The following ZNF469 variants were observed in gnomAD, a reference collection of about 807,000 sequenced individuals.
ZNF469 encodes the protein zinc finger protein 469.
ZNF469 carries 1 observed loss-of-function variant against 1.0 expected under a neutral mutation model. The ratio of observed to expected loss-of-function variants is 1.00; its 90% CI spans 0.35 to 4.73. The LOEUF (loss-of-function observed/expected upper bound fraction) is 4.73, where lower values mean the gene tolerates loss of function less well. Ranked by LOEUF, ZNF469 falls within the 30% of genes most tolerant of loss-of-function variation. ZNF469 has a pLI of 0.16. For synonymous variants in ZNF469, 2,703 were observed against 2,363.4 expected, an observed-to-expected ratio of 1.14 and a Z score of -4.17; for missense variants, 6,100 against 5,356.3, an observed-to-expected ratio of 1.14 and a Z score of -4.33.
At chr16:88,317,037 T>G in the ZNF469 span, among the ~76,000 whole-genome samples, 1 of 152,210 alleles carries the variant, frequency 6.6e-6, no homozygotes, top group East Asian at 1.9e-4. Flanking sequence ...ACCCAGATAA[T>G]AAACTGTAGA....
chr16:88,401,062 C>T (rs1445548703), intron 1 of ZNF469, among the ~76,000 whole-genome samples: 2 of 152,240 alleles, frequency 1.3e-5, no homozygotes, highest in South Asian at 2.1e-4. Flanking sequence ...CCCTCCCTGA[C>T]CCTGGCTCAT....
At chr16:88,241,094 C>T in the ZNF469 span, among the ~76,000 whole-genome samples, 2 of 152,172 alleles carry the variant, frequency 1.3e-5, no homozygotes, top group Non-Finnish European at 2.9e-5. The surrounding 1 kb of genome is among the most constrained non-coding windows in gnomAD (Gnocchi z 4.8). Flanking sequence ...TTAGGCCGGG[C>T]GCAGTGGCTC....
the ZNF469 span, among the ~76,000 whole-genome samples, chr16:88,264,260 G>A: frequency 2.4e-4 from 36 of 152,004 alleles, no homozygotes; most frequent in Non-Finnish European, 4.6e-4. Flanking sequence ...GAGAGGAGCG[G>A]ACGCCCCGTG....
At chr16:88,222,111 C>T in the ZNF469 span, among the ~76,000 whole-genome samples, 2 of 152,118 alleles carry the variant, frequency 1.3e-5, no homozygotes, top group South Asian at 2.1e-4. Flanking sequence ...CATCTTTGCC[C>T]TAGGCACATA....
the ZNF469 span, among the ~76,000 whole-genome samples, chr16:88,107,368 GA>G: frequency 2.6e-5 from 4 of 152,240 alleles, no homozygotes; most frequent in Non-Finnish European, 5.9e-5. Flanking sequence ...AAGGCAGCAG[GA>G]AGGAGAAATG....
At chr16:88,252,423 C>T in the ZNF469 span, among the ~76,000 whole-genome samples, 1 of 150,346 alleles carries the variant, frequency 6.7e-6, no homozygotes. Flanking sequence ...GCTGTGCCGT[C>T]AAGACAGAAA....
chr16:88,430,297 A>C lies in ZNF469; in HGVS notation c.2827A>C (p.Arg943=). The part of the protein sequence containing the change: ...PTEADAPSQG[R]QQRRGKQLKL... The stretch of plus-strand genomic sequence containing the variant: ...CGAGGCGGATGCGCCCAGCCAGGGC[A>C]GGCAGCAGAGGAGGGGGAAGCAGTT... The change falls in exon 3 of 3, where the codon AGG becomes CGG. Residue 943 remains arginine, a synonymous_variant. Transcript: ENST00000565624. 1 of 1,513,832 alleles carries C rather than the reference A, an allele frequency of 6.6e-7. No homozygotes were observed. Among genetic ancestry groups the C allele is most frequent in the Non-Finnish European group, 8.8e-7 (1 of 1,133,740 alleles). 93.8% of individuals were successfully genotyped at this position (1,513,832 alleles called of 1,614,324 possible). A position where few individuals can be genotyped will look rare whatever the true frequency, so the allele number is the denominator to read the frequency against.
chr16:88,130,009 G>A, the ZNF469 span, among the ~76,000 whole-genome samples: 1 of 152,280 alleles, frequency 6.6e-6, no homozygotes, highest in East Asian at 1.9e-4. Context: ...TGGTCCTGTG[G>A]TGGCAGAAGT....
chr16:88,367,610 C>T, the ZNF469 span, among the ~76,000 whole-genome samples: 559 of 152,332 alleles, frequency 3.7e-3, 4 homozygotes, highest in African/African-American at 0.013. Flanking sequence ...AGCAAAGCGA[C>T]CATGACCACA....
chr16:88,108,256 T>A, the ZNF469 span, among the ~76,000 whole-genome samples: 1 of 149,884 alleles, frequency 6.7e-6, no homozygotes, highest in South Asian at 2.1e-4. Context: ...TCCATGTCTG[T>A]GGGGATGTGG....
At chr16:88,114,596 C>T in the ZNF469 span, among the ~76,000 whole-genome samples, 2 of 152,192 alleles carry the variant, frequency 1.3e-5, no homozygotes, top group East Asian at 1.9e-4. Context: ...TAGACGGAGC[C>T]GTGGTTCTGG....
the ZNF469 span, among the ~76,000 whole-genome samples, chr16:88,329,315 G>C: frequency 5.9e-5 from 9 of 152,242 alleles, no homozygotes; most frequent in Non-Finnish European, 8.8e-5. Context: ...GGAAAGGCCT[G>C]GGTTAGTATT....
chr16:88,178,480 C>G, the ZNF469 span: 1 of 152,230 alleles, frequency 6.6e-6, no homozygotes, highest in Non-Finnish European at 1.5e-5. Flanking sequence ...CCGGGCCCAT[C>G]CCGAGAGCAC....
In ZNF469 at chr16:88,437,002, G is replaced by T; in HGVS notation, c.9532G>T (p.Gly3178Cys). The T allele has an allele frequency of 6.6e-7, 1 of 1,521,678 alleles. No individual in the cohort carries two copies. The allele number at this position is 1,521,678 out of a possible 1,614,324, so 94.3% of individuals were successfully genotyped here. The change falls in exon 3 of 3, where the codon GGC (glycine) becomes TGC (cysteine). Residue 3178 changes from glycine (G) to cysteine (C), a missense_variant. Transcript: ENST00000565624. ...GAGCAAGGCCGGGCCCTGGGCGTGCGGCATGTGCCTGAAGGAGGTGGCCGA... is the reference window on the plus strand; with the variant it reads ...GAGCAAGGCCGGGCCCTGGGCGTGCTGCATGTGCCTGAAGGAGGTGGCCGA... ...AQSKAGPWAC[G>C]MCLKEVADVW...
chr16:88,312,022 T>G, the ZNF469 span, among the ~76,000 whole-genome samples: 4 of 152,172 alleles, frequency 2.6e-5, no homozygotes, highest in African/African-American at 9.7e-5. Flanking sequence ...AGGCCTCACA[T>G]TCATGGCAGA....
upstream of ZNF469, among the ~76,000 whole-genome samples, chr16:88,380,851 C>T (rs532863221): frequency 1.0e-3 from 157 of 150,380 alleles, 1 homozygote; most frequent in African/African-American, 3.7e-3. Flanking sequence ...CAGACATGCA[C>T]TCACATGCAC....
the ZNF469 span, among the ~76,000 whole-genome samples, chr16:88,227,939 C>T: frequency 6.6e-6 from 1 of 152,240 alleles, no homozygotes; most frequent in Non-Finnish European, 1.5e-5. Flanking sequence ...CCAGGCTCTG[C>T]CTCCATCCTT....
chr16:88,223,483 A>C, the ZNF469 span, among the ~76,000 whole-genome samples: 5 of 152,192 alleles, frequency 3.3e-5, no homozygotes, highest in Non-Finnish European at 7.3e-5. Context: ...AGTAAACACC[A>C]TGTGGGGTGT....
chr16:88,338,383 GCTCCTGA>G, the ZNF469 span, among the ~76,000 whole-genome samples: 1 of 152,198 alleles, frequency 6.6e-6, no homozygotes, highest in Non-Finnish European at 1.5e-5. Flanking sequence ...GCCACCCCCG[GCTCCTGA>G]CTCTCCAGGC....
Sources: gnomAD v4.1 joint callset for allele counts (sites outside exome capture counted in the v4.1 genomes callset) on GRCh38, gnomAD v4.1.1 for gene constraint, Gnocchi (gnomAD v3.1) non-coding constraint, MANE v1.5 for transcripts, NCBI Gene and HGNC (gene_info 2026-07-23, HGNC 2026-07-21) for gene names.